The following PLXDC2 variants were observed in gnomAD, a reference collection of about 807,000 sequenced individuals.
PLXDC2 encodes plexin domain containing 2.
PLXDC2 carries 40 observed loss-of-function variants against 68.9 expected under a neutral mutation model. That is an observed-to-expected ratio of 0.58 (90% CI 0.45 to 0.76). PLXDC2 has a LOEUF of 0.76. PLXDC2 is among the 30% of genes least tolerant of loss of function. PLXDC2 has a pLI of 0.00. For synonymous variants in PLXDC2, 243 were observed against 234.2 expected, an observed-to-expected ratio of 1.04 and a Z score of -0.34; for missense variants, 644 against 661.9, an observed-to-expected ratio of 0.97 and a Z score of 0.30.
rs1256976304 is a variant in PLXDC2, at chr10:20,288,870, C to T, written c.*9051C>T. On this transcript the variant is annotated 3_prime_UTR_variant, in exon 14 of 14. Transcript: ENST00000377252. ...TTAAAGGTGTGGAAGCTGGTGGGGACCAAATGTTACCTGTGTTTTTGCTGT... is the reference window on the plus strand; with the variant it reads ...TTAAAGGTGTGGAAGCTGGTGGGGATCAAATGTTACCTGTGTTTTTGCTGT... The T allele has an allele frequency of 6.6e-6, 1 of 151,932 alleles. No individual in the cohort carries two copies. Among genetic ancestry groups the T allele is most frequent in the African/African-American group, 2.4e-5 (1 of 41,292 alleles). The allele number at this position is 151,932 out of a possible 1,614,324, so 9.4% of individuals were successfully genotyped here.
At chr10:20,186,511 C>G (rs924849797) in intron 9 of PLXDC2, among the ~76,000 whole-genome samples, 3 of 151,816 alleles carry the variant, frequency 2.0e-5, no homozygotes, top group African/African-American at 7.3e-5. Flanking sequence ...ATTTTGTCAT[C>G]CAGGTACTAA....
rs766797332 is a variant in PLXDC2 at position 20,177,317 on chromosome 10, C to G, written c.980-11C>G. ...TTAGTCTTGGTGAATCTGTTCTTTC[C>G]TCTTCCCTAGCATGCCTCCAGTTTA... On this transcript the variant is annotated splice_polypyrimidine_tract_variant and intron_variant, in intron 8 of 13. Coordinates refer to ENST00000377252, the MANE Select transcript of PLXDC2 (RefSeq NM_032812.9). The G allele has an allele frequency of 2.5e-5, 39 of 1,586,824 alleles. No homozygotes were observed. The highest frequency in any genetic ancestry group is 3.4e-5 in the Non-Finnish European group (39 of 1,155,608).
chr10:20,108,048 A>G (rs1235667812), intron 4 of PLXDC2, among the ~76,000 whole-genome samples: 2 of 152,198 alleles, frequency 1.3e-5, no homozygotes, highest in East Asian at 3.8e-4. Flanking sequence ...AGATATCATC[A>G]TCCAACTTTG....
In PLXDC2 at chr10:19,971,814, C is replaced by G. The variant is rs192030558; in HGVS notation, c.113-29961C>G. On this transcript the variant is annotated intron_variant, in intron 1 of 13. Coordinates refer to ENST00000377252, the MANE Select transcript of PLXDC2 (RefSeq NM_032812.9). ...TTATAACAAGTCGACTCAGCCCATC[C>G]AAGAAGGAATGGAAGATGTGTTTAC... Among the ~76,000 whole-genome samples the G allele has an allele frequency of 2.4e-4, 36 of 152,138 alleles. 1 individual carries two copies. The highest frequency in any genetic ancestry group is 2.4e-3 in the Admixed American group (36 of 15,284).
At chr10:19,873,210 T>C (rs1412629032) in intron 1 of PLXDC2, among the ~76,000 whole-genome samples, 1 of 152,006 alleles carries the variant, frequency 6.6e-6, no homozygotes, top group Admixed American at 6.6e-5. Context: ...GCCTTAGAAA[T>C]GATAAAGAAA....
At chr10:20,087,893 G>GTTT (rs1564310908) in intron 4 of PLXDC2, among the ~76,000 whole-genome samples, 1 of 152,096 alleles carries the variant, frequency 6.6e-6, no homozygotes, top group Non-Finnish European at 1.5e-5. Flanking sequence ...CCTCCCCAGT[G>GTTT]TTTTAATCAA....
At position 20,281,670 on chromosome 10, in the gene PLXDC2, C is replaced by T. The variant is rs1406172668; in HGVS notation, c.*1851C>T. 6.6e-6 allele frequency: 1 copy of T among 152,024 alleles called. No individual in the cohort carries two copies. Among genetic ancestry groups the T allele is most frequent in the Non-Finnish European group, 1.5e-5 (1 of 67,982 alleles). The allele number at this position is 152,024 out of a possible 1,614,324, so 9.4% of individuals were successfully genotyped here. ...AACTATTAAAAAAAATTTTGAAAAG[C>T]AAGGTGATTGAAGGATTGTGATGAC... is the stretch of plus-strand genomic sequence containing the variant. On this transcript the variant is annotated 3_prime_UTR_variant, in exon 14 of 14. Coordinates refer to ENST00000377252, the MANE Select transcript of PLXDC2 (RefSeq NM_032812.9).
chr10:19,909,890 T>C lies in PLXDC2; in HGVS notation c.113-91885T>C, dbSNP rs1833234533. 1.3e-5 allele frequency among the ~76,000 whole-genome samples: 2 copies of C among 152,194 alleles called. 1 individual carries two copies. The highest frequency in any genetic ancestry group is 4.8e-5 in the African/African-American group (2 of 41,450). ...TACTATAAAATGAGTGTATGTTCAATGTATTTCTAGAGAACTCATTAGGAT... is the reference window on the plus strand; with the variant it reads ...TACTATAAAATGAGTGTATGTTCAACGTATTTCTAGAGAACTCATTAGGAT... On this transcript the variant is annotated intron_variant, in intron 1 of 13. Transcript: ENST00000377252.
chr10:19,975,445 G>A (rs974896597), intron 1 of PLXDC2, among the ~76,000 whole-genome samples: 1 of 152,006 alleles, frequency 6.6e-6, no homozygotes, highest in African/African-American at 2.4e-5. Context: ...GAGACAGAGC[G>A]AGACTCCATC....
intron 6 of PLXDC2, among the ~76,000 whole-genome samples, chr10:20,155,459 C>T (rs1273078082): frequency 6.6e-6 from 1 of 151,804 alleles, no homozygotes; most frequent in East Asian, 1.9e-4. Flanking sequence ...AATGTGTGAG[C>T]AGAAAAGAAT....
chr10:20,122,196 A>AG lies in PLXDC2; in HGVS notation c.542-21099_542-21098insG, dbSNP rs1020973355. 1.7e-3 allele frequency among the ~76,000 whole-genome samples: 257 copies of AG among 152,284 alleles called. 1 individual carries two copies. The highest frequency in any genetic ancestry group is 5.8e-3 in the African/African-American group (240 of 41,548). On this transcript the variant is annotated intron_variant, in intron 4 of 13. Transcript: ENST00000377252. The stretch of plus-strand genomic sequence containing the variant: ...GGAATGCTTAAAAGAGTATTGTCTA[A>AG]TTGGCACCAGATTTGGGGAGTTTTA...
chr10:19,879,786 G>T (rs1837696227), intron 1 of PLXDC2, among the ~76,000 whole-genome samples: 1 of 152,198 alleles, frequency 6.6e-6, no homozygotes, highest in Non-Finnish European at 1.5e-5. Context: ...CAAGTAGGTA[G>T]TGTAAGATTG....
intron 4 of PLXDC2, among the ~76,000 whole-genome samples, chr10:20,078,869 C>G (rs1003704228): frequency 1.3e-5 from 2 of 152,012 alleles, no homozygotes; most frequent in African/African-American, 4.8e-5. Flanking sequence ...CCCTTATTTT[C>G]CACAAGGTTT....
At chr10:19,823,275 T>G (rs2131996322) in intron 1 of PLXDC2, among the ~76,000 whole-genome samples, 1 of 152,322 alleles carries the variant, frequency 6.6e-6, no homozygotes, top group Admixed American at 6.5e-5. Flanking sequence ...TGGTGGTGTT[T>G]CATTTCACTG....
intron 4 of PLXDC2, among the ~76,000 whole-genome samples, chr10:20,089,500 C>T (rs1268384179): frequency 6.6e-6 from 1 of 152,060 alleles, no homozygotes; most frequent in African/African-American, 2.4e-5. Context: ...GCCAGGAAGA[C>T]AGATGAGGAA....
At chr10:20,170,343 C>T (rs1380915794) in intron 7 of PLXDC2, among the ~76,000 whole-genome samples, 3 of 152,114 alleles carry the variant, frequency 2.0e-5, no homozygotes, top group Admixed American at 2.0e-4. Flanking sequence ...GGTGCATCCA[C>T]CACGCCCAGC....
At chr10:20,066,567 G>T (rs2131704934) in intron 3 of PLXDC2, among the ~76,000 whole-genome samples, 1 of 152,226 alleles carries the variant, frequency 6.6e-6, no homozygotes, top group South Asian at 2.1e-4. Flanking sequence ...TCATTTTAGG[G>T]TTCTTAGTGA....
intron 1 of PLXDC2, among the ~76,000 whole-genome samples, chr10:19,830,394 T>C (rs1325580968): frequency 6.6e-6 from 1 of 152,210 alleles, no homozygotes; most frequent in Non-Finnish European, 1.5e-5. Context: ...TAATCAACAG[T>C]TTGTTTCTCT....
intron 9 of PLXDC2, among the ~76,000 whole-genome samples, chr10:20,191,689 G>A (rs7903443): frequency 0.29 from 43,396 of 151,186 alleles, 7,090 homozygotes; most frequent in East Asian, 0.49. Context: ...ATAGCATTAG[G>A]AGATACACCT....
Sources: allele counts gnomAD v4.1 joint callset (sites outside exome capture counted in the v4.1 genomes callset), GRCh38; gene constraint gnomAD v4.1.1; transcripts MANE v1.5; gene names NCBI Gene and HGNC (gene_info 2026-07-23, HGNC 2026-07-21).